The following SPOP variants were observed in gnomAD, a reference collection of about 807,000 sequenced individuals.
The protein encoded by SPOP is speckle type BTB/POZ protein, also known as speckle-type POZ protein.
SPOP carries 11 observed loss-of-function variants against 45.6 expected under a neutral mutation model. That is an observed-to-expected ratio of 0.24 (90% CI 0.15 to 0.40). SPOP has a LOEUF of 0.40. SPOP is among the 10% of genes least tolerant of loss of function. The pLI, the probability that SPOP is intolerant of heterozygous loss-of-function variation, is 1.00. For synonymous variants in SPOP, 166 were observed against 166.3 expected, an observed-to-expected ratio of 1.00 and a Z score of 0.01; for missense variants, 152 against 465.6, an observed-to-expected ratio of 0.33 and a Z score of 6.20.
chr17:49,667,224 C>T (rs2143559344), intron 1 of SPOP, among the ~76,000 whole-genome samples: 1 of 145,262 alleles, frequency 6.9e-6, no homozygotes, highest in South Asian at 2.2e-4. Context: ...ATTAGGATGG[C>T]TACTATTACA....
chr17:49,622,830 C>T lies in SPOP; in HGVS notation c.-20G>A. The T allele has an allele frequency of 6.8e-6, 11 of 1,610,930 alleles. No individual in the cohort carries two copies. Among genetic ancestry groups the T allele is most frequent in the Admixed American group, 1.7e-5 (1 of 60,020 alleles). Reference sequence around the variant, plus strand: ...TGACATCGCCAGTTTGAAGGTTAAACGAGATTTCCAAAGTCAGGGGGCAAA... The same window carrying T: ...TGACATCGCCAGTTTGAAGGTTAAATGAGATTTCCAAAGTCAGGGGGCAAA... On this transcript the variant is annotated 5_prime_UTR_variant, in exon 2 of 10. Coordinates refer to ENST00000504102, the MANE Select transcript of SPOP (RefSeq NM_001007228.2).
intron 1 of SPOP, among the ~76,000 whole-genome samples, chr17:49,655,894 T>C (rs1347291404): frequency 6.6e-6 from 1 of 152,154 alleles, no homozygotes; most frequent in Non-Finnish European, 1.5e-5. Context: ...CACCGCAACC[T>C]CCACCTCCCG....
intron 1 of SPOP, among the ~76,000 whole-genome samples, chr17:49,661,589 C>A (rs1457846723): frequency 6.6e-6 from 1 of 152,170 alleles, no homozygotes; most frequent in African/African-American, 2.4e-5. Flanking sequence ...TATAATACTG[C>A]TTTAATCCCC....
chr17:49,607,186 G>T, intron 8 of SPOP, 64 bp downstream of exon 8: 1 of 1,606,722 alleles, frequency 6.2e-7, no homozygotes, highest in Non-Finnish European at 8.5e-7. Context: ...ATAGAATCCT[G>T]TTCATGAAAC....
chr17:49,629,558 A>C (rs2072409562), intron 1 of SPOP, among the ~76,000 whole-genome samples: 3 of 152,236 alleles, frequency 2.0e-5, no homozygotes, highest in African/African-American at 4.8e-5. Context: ...AAAATCAGTA[A>C]CTTATCTGAA....
chr17:49,601,722 T>C, intron 9 of SPOP, 143 bp downstream of exon 9: 2 of 1,059,190 alleles, frequency 1.9e-6, no homozygotes, highest in Non-Finnish European at 2.7e-6. Context: ...TACGGTCAAC[T>C]GAAGGAAAAG....
intron 1 of SPOP, among the ~76,000 whole-genome samples, chr17:49,676,478 C>T (rs2073200972): frequency 6.6e-6 from 1 of 152,106 alleles, no homozygotes; most frequent in Non-Finnish European, 1.5e-5. Flanking sequence ...CAAGAACATG[C>T]GGTTTTGGAG....
At chr17:49,622,341 C>A in intron 2 of SPOP, 1 of 580,588 alleles carries the variant, frequency 1.7e-6, no homozygotes, top group Middle Eastern at 2.7e-4. Flanking sequence ...CCCACCACCA[C>A]CATGGACAGG....
intron 1 of SPOP, among the ~76,000 whole-genome samples, chr17:49,650,233 T>G (rs1368013144): frequency 6.6e-6 from 1 of 151,940 alleles, no homozygotes; most frequent in African/African-American, 2.4e-5. Context: ...CAACTACTCA[T>G]AGTGGGACCG....
At chr17:49,603,501 C>T (rs948602603) in intron 8 of SPOP, among the ~76,000 whole-genome samples, 8 of 152,184 alleles carry the variant, frequency 5.3e-5, no homozygotes, top group African/African-American at 1.9e-4. Flanking sequence ...TGCCTAATGG[C>T]AGTACTTACC....
chr17:49,646,188 G>A (rs2072755607), intron 1 of SPOP: 1 of 152,060 alleles, frequency 6.6e-6, no homozygotes, highest in African/African-American at 2.4e-5. Flanking sequence ...CTTTGGTTAG[G>A]AATTATAAGG....
At chr17:49,652,263 G>T (rs887058731) in intron 1 of SPOP, among the ~76,000 whole-genome samples, 1 of 152,208 alleles carries the variant, frequency 6.6e-6, no homozygotes, top group African/African-American at 2.4e-5. Flanking sequence ...GATAAGGGAT[G>T]TTCAACCTGT....
chr17:49,627,773 AC>A (rs2072365885), intron 1 of SPOP, among the ~76,000 whole-genome samples: 1 of 152,072 alleles, frequency 6.6e-6, no homozygotes, highest in Non-Finnish European at 1.5e-5. Flanking sequence ...ATTTTTTCCC[AC>A]CTTTTTTTGC....
chr17:49,648,948 G>A (rs999243384), intron 1 of SPOP, among the ~76,000 whole-genome samples: 1 of 151,960 alleles, frequency 6.6e-6, no homozygotes, highest in Non-Finnish European at 1.5e-5. Context: ...TAGTAGAGAC[G>A]GGGTTTCACC....
Position 49,619,228 on chromosome 17 carries a change from A to C in SPOP, c.352+6T>G. 1 of 1,614,170 alleles carries C rather than the reference A, an allele frequency of 6.2e-7. No homozygotes were observed. The highest frequency in any genetic ancestry group is 8.5e-7 in the Non-Finnish European group (1 of 1,180,026). On this transcript the variant is annotated splice_donor_region_variant and intron_variant, in intron 4 of 9. Coordinates refer to ENST00000504102, the MANE Select transcript of SPOP (RefSeq NM_001007228.2). The surrounding 1 kb of genome is among the most constrained non-coding windows in gnomAD (Gnocchi z 4.9). ...TTAAGAGTTGAACAAAGAGGAGAAC[A>C]TTTACCCATAGCTTTGGTTTCTTCT...
intron 8 of SPOP, among the ~76,000 whole-genome samples, chr17:49,606,495 CTTTTTT>C (rs71146920): frequency 4.3e-5 from 3 of 69,320 alleles, no homozygotes; most frequent in Non-Finnish European, 8.2e-5. Context: ...TTTCTTTTTT[CTTTTTT>C]TTTTTTTTTT....
intron 9 of SPOP, chr17:49,601,249 C>T (rs933158996): frequency 6.6e-6 from 1 of 152,476 alleles, no homozygotes; most frequent in Admixed American, 6.5e-5. Context: ...AGCTTTTGCT[C>T]TCTCCATGGG....
intron 1 of SPOP, among the ~76,000 whole-genome samples, chr17:49,673,543 C>T (rs925365454): frequency 5.3e-5 from 8 of 151,964 alleles, no homozygotes; most frequent in Non-Finnish European, 1.0e-4. Flanking sequence ...TATGCATATA[C>T]ATAAAGTAAA....
intron 8 of SPOP, among the ~76,000 whole-genome samples, chr17:49,605,790 C>A (rs1005758942): frequency 3.3e-5 from 5 of 151,660 alleles, no homozygotes; most frequent in Admixed American, 3.3e-4. Flanking sequence ...GAGTTTGAGA[C>A]CAGCCTGACC....
Sources: allele counts gnomAD v4.1 joint callset (sites outside exome capture counted in the v4.1 genomes callset), GRCh38; gene constraint gnomAD v4.1.1; non-coding constraint Gnocchi (gnomAD v3.1); transcripts MANE v1.5; gene names NCBI Gene and HGNC (gene_info 2026-07-23, HGNC 2026-07-21).